TCF7L1: variants seen among roughly 807,000 people sequenced by gnomAD.
TCF7L1 encodes the protein transcription factor 7 like 1, also known as transcription factor 7-like 1.
TCF7L1 carries 18 observed loss-of-function variants against 63.7 expected under a neutral mutation model. That is an observed-to-expected ratio of 0.28 (90% confidence interval 0.20 to 0.42). The LOEUF (loss-of-function observed/expected upper bound fraction) is 0.42. Among genes scored for constraint, TCF7L1 ranks in the 10% least tolerant of loss-of-function variants. The probability of loss-of-function intolerance (pLI) is 1.00; values close to 1 mark genes in which losing one functional copy is unlikely to be tolerated. For synonymous variants in TCF7L1, 355 were observed against 340.9 expected, an observed-to-expected ratio of 1.04 and a Z score of -0.46; for missense variants, 654 against 779.3, an observed-to-expected ratio of 0.84 and a Z score of 1.91.
At chr2:85,144,099 C>G (rs1185310190) in intron 3 of TCF7L1, among the ~76,000 whole-genome samples, 1 of 152,302 alleles carries the variant, frequency 6.6e-6, no homozygotes, top group East Asian at 1.9e-4. Flanking sequence ...TTACTATACT[C>G]ACAATTTGGA....
intron 3 of TCF7L1, chr2:85,205,076 G>A (rs1679370644): frequency 6.6e-6 from 1 of 151,928 alleles, no homozygotes; most frequent in African/African-American, 2.4e-5. Context: ...ACCTAGAAGT[G>A]GAATGAGATT....
chr2:85,210,806 C>T (rs1307688646), intron 3 of TCF7L1, among the ~76,000 whole-genome samples: 2 of 152,222 alleles, frequency 1.3e-5, no homozygotes, highest in Non-Finnish European at 2.9e-5. Flanking sequence ...ATCCTCACAA[C>T]AGCCCTGTGA....
rs1472877488 is a variant in TCF7L1, at chr2:85,206,083, T to TTAACTCCC, written c.441+71635_441+71642dup. On this transcript the variant is annotated intron_variant, in intron 3 of 11. Transcript: ENST00000282111. ...TGAAGGTACCTGTTAGCTGGGGCTA[T>TTAACTCCC]TAACTCCCTCTTGTTGGGCTCCTGT... Among the ~76,000 whole-genome samples, 4 of 152,274 alleles carry TTAACTCCC rather than the reference T, an allele frequency of 2.6e-5. No individual in the cohort carries two copies. The East Asian group carries it at 7.7e-4, about 29-fold the overall frequency.
chr2:85,208,087 T>C (rs1679453702), intron 3 of TCF7L1, among the ~76,000 whole-genome samples: 1 of 152,102 alleles, frequency 6.6e-6, no homozygotes, highest in Non-Finnish European at 1.5e-5. Flanking sequence ...TTTGTGTTTT[T>C]AGTAGAGACA....
At chr2:85,207,943 G>T (rs1215354292) in intron 3 of TCF7L1, among the ~76,000 whole-genome samples, 1 of 151,988 alleles carries the variant, frequency 6.6e-6, no homozygotes, top group African/African-American at 2.4e-5. Flanking sequence ...GTCTTGCTCT[G>T]TCGCCCAGGC....
rs1322561432 is a variant in TCF7L1 at position 85,133,836 on chromosome 2, C to G, written c.152C>G (p.Pro51Arg). 1.3e-6 allele frequency: 2 copies of G among 1,501,990 alleles called. No individual in the cohort carries two copies. Among genetic ancestry groups the G allele is most frequent in the Non-Finnish European group, 1.8e-6 (2 of 1,124,958 alleles). 93.0% of individuals were successfully genotyped at this position (1,501,990 alleles called of 1,614,324 possible). A position where few individuals can be genotyped will look rare whatever the true frequency, so the allele number is the denominator to read the frequency against. Reference protein sequence around the residue: ...FQDEGGEEQEPSSDSASAQRD... With the variant: ...FQDEGGEEQERSSDSASAQRD... The stretch of plus-strand genomic sequence containing the variant: ...GACGAGGGGGGCGAGGAGCAGGAGC[C>G]GAGCAGCGATAGCGCCTCGGCGCAG... The change falls in exon 1 of 12, where the codon CCG (proline) becomes CGG (arginine). Residue 51 changes from proline to arginine, a missense_variant. By Grantham distance (103) the Pro-to-Arg change is moderately radical. This residue lies in a region of TCF7L1 where 404 missense variants were observed against 454.8 expected (regional missense o/e 0.89). Coordinates refer to ENST00000282111, the MANE Select transcript of TCF7L1 (RefSeq NM_031283.3). The surrounding 1 kb of genome is among the most constrained non-coding windows in gnomAD (Gnocchi z 4.4).
chr2:85,278,877 G>A (rs6733515), intron 3 of TCF7L1, among the ~76,000 whole-genome samples: 42,235 of 152,170 alleles, frequency 0.28, 6,235 homozygotes, highest in East Asian at 0.57. Flanking sequence ...TCCAAAAGCG[G>A]GTATTTAACC....
chr2:85,235,940 G>A (rs989775627), intron 3 of TCF7L1, among the ~76,000 whole-genome samples: 4 of 152,080 alleles, frequency 2.6e-5, no homozygotes, highest in East Asian at 3.9e-4. Context: ...CAAGAGGATC[G>A]CTTGAGCCCA....
chr2:85,304,041 C>T lies in TCF7L1; in HGVS notation c.761+44C>T, dbSNP rs1682047872. On this transcript the variant is annotated intron_variant, in intron 6 of 11. Transcript: ENST00000282111. ...CTCTTCCCCCTGCTCCCTCCTTGCGCTGAGCTCTGCCTCTGTGCCCTGCGC... is the reference window on the plus strand; with the variant it reads ...CTCTTCCCCCTGCTCCCTCCTTGCGTTGAGCTCTGCCTCTGTGCCCTGCGC... 7 of 1,485,624 alleles carry T rather than the reference C, an allele frequency of 4.7e-6. No individual in the cohort carries two copies. The South Asian group carries it at 8.2e-5, about 17-fold the overall frequency. 92.0% of individuals were successfully genotyped at this position (1,485,624 alleles called of 1,614,324 possible). A position where few individuals can be genotyped will look rare whatever the true frequency, so the allele number is the denominator to read the frequency against.
chr2:85,267,330 CAA>C (rs1217663362), intron 3 of TCF7L1, among the ~76,000 whole-genome samples: 85 of 44,182 alleles, frequency 1.9e-3, no homozygotes, highest in African/African-American at 6.2e-3. Context: ...GGCTCTGTCT[CAA>C]AAAAAAAAAA....
At chr2:85,156,156 G>C (rs1678139735) in intron 3 of TCF7L1, among the ~76,000 whole-genome samples, 1 of 152,158 alleles carries the variant, frequency 6.6e-6, no homozygotes, top group Admixed American at 6.5e-5. Flanking sequence ...CCGTCTTCGT[G>C]ATAATTGTTC....
chr2:85,192,014 A>C (rs1055893388), intron 3 of TCF7L1, among the ~76,000 whole-genome samples: 1 of 152,040 alleles, frequency 6.6e-6, no homozygotes, highest in African/African-American at 2.4e-5. Flanking sequence ...TGTTTTCACT[A>C]TGGTCCCAGA....
intron 3 of TCF7L1, among the ~76,000 whole-genome samples, chr2:85,182,608 GA>G (rs929688711): frequency 6.6e-6 from 1 of 152,194 alleles, no homozygotes; most frequent in African/African-American, 2.4e-5. Flanking sequence ...CCCCAGGTGG[GA>G]AATGGCCCTC....
rs1419437935 is a variant in TCF7L1 at position 85,310,209 on chromosome 2, G to C, written c.*747G>C. 1.3e-5 allele frequency: 2 copies of C among 152,582 alleles called. No homozygotes were observed. Among genetic ancestry groups the C allele is most frequent in the Non-Finnish European group, 2.9e-5 (2 of 68,068 alleles). The allele number at this position is 152,582 out of a possible 1,614,324, so 9.5% of individuals were successfully genotyped here. A position where few individuals can be genotyped will look rare whatever the true frequency, so the allele number is the denominator to read the frequency against. On this transcript the variant is annotated 3_prime_UTR_variant, in exon 12 of 12. Coordinates refer to ENST00000282111, the MANE Select transcript of TCF7L1 (RefSeq NM_031283.3). ...GGACCGGCCCCATGGTCTGGCTCCTGTCACCTGGGTCCGTGCCAGCACAAT... is the reference window on the plus strand; with the variant it reads ...GGACCGGCCCCATGGTCTGGCTCCTCTCACCTGGGTCCGTGCCAGCACAAT...
chr2:85,274,044 C>T (rs935697315), intron 3 of TCF7L1, among the ~76,000 whole-genome samples: 2 of 152,162 alleles, frequency 1.3e-5, no homozygotes, highest in Admixed American at 6.5e-5. Context: ...TCAGTAGATT[C>T]CCAGGCACAC....
At chr2:85,290,124 G>A (rs896382364) in intron 4 of TCF7L1, among the ~76,000 whole-genome samples, 6 of 151,418 alleles carry the variant, frequency 4.0e-5, no homozygotes, top group South Asian at 4.2e-4. Context: ...GATTACAGGC[G>A]CCTGCCACCA....
intron 3 of TCF7L1, among the ~76,000 whole-genome samples, chr2:85,251,808 C>A (rs1680594109): frequency 6.6e-6 from 1 of 152,202 alleles, no homozygotes; most frequent in Non-Finnish European, 1.5e-5. Context: ...TGCAGTGGCT[C>A]ACGCCTGTAA....
At chr2:85,258,969 C>T (rs1053418289) in intron 3 of TCF7L1, among the ~76,000 whole-genome samples, 2 of 152,222 alleles carry the variant, frequency 1.3e-5, no homozygotes, top group South Asian at 2.1e-4. Context: ...CTGTACTCTT[C>T]GAGGTCTACC....
At chr2:85,263,219 T>C (rs540364764) in intron 3 of TCF7L1, among the ~76,000 whole-genome samples, 5 of 151,680 alleles carry the variant, frequency 3.3e-5, no homozygotes, top group Non-Finnish European at 7.4e-5. Context: ...GAGGGTGTTG[T>C]TGGGAATAGG....
Sources: allele counts gnomAD v4.1 joint callset (sites outside exome capture counted in the v4.1 genomes callset), GRCh38; gene constraint gnomAD v4.1.1; regional missense constraint gnomAD v4.1.1; non-coding constraint Gnocchi (gnomAD v3.1); transcripts MANE v1.5; gene names NCBI Gene and HGNC (gene_info 2026-07-23, HGNC 2026-07-21).